The following NF1 variants were observed in gnomAD, a reference collection of about 807,000 sequenced individuals.
NF1 encodes neurofibromin.
Under a neutral mutation model 325.7 loss-of-function variants are expected in NF1, and 122 were observed. The observed-to-expected ratio is 0.37, with a 90% CI of 0.32 to 0.44. The LOEUF (loss-of-function observed/expected upper bound fraction) is 0.44, where lower values mean the gene tolerates loss of function less well. Among genes scored for constraint, NF1 ranks in the 20% least tolerant of loss-of-function variants. The pLI is 1.00. For missense variants in NF1, 2,140 were observed against 3,415.4 expected, an observed-to-expected ratio of 0.63 and a Z score of 9.31; for synonymous variants, 1,091 against 1,186.0, an observed-to-expected ratio of 0.92 and a Z score of 1.65.
intron 36 of NF1, chr17:31,297,288 T>G (rs967869165): frequency 6.6e-6 from 1 of 152,316 alleles, no homozygotes; most frequent in Non-Finnish European, 1.5e-5. Context: ...TGCTGTGAGC[T>G]GAAGCTCTGC....
intron 29 of NF1, among the ~76,000 whole-genome samples, chr17:31,245,168 CTCTTTGAGCCT>C (rs1406441402): frequency 6.6e-6 from 1 of 152,200 alleles, no homozygotes; most frequent in African/African-American, 2.4e-5. Context: ...TTCTAGCAGT[CTCTTTGAGCCT>C]TGTTAAAGAA....
intron 29 of NF1, among the ~76,000 whole-genome samples, chr17:31,246,989 G>C (rs1158573145): frequency 6.6e-6 from 1 of 152,084 alleles, no homozygotes; most frequent in East Asian, 1.9e-4. Flanking sequence ...AAGGTCAAGA[G>C]ATCTAGACCA....
chr17:31,230,449 GA>G, intron 23 of NF1, 67 bp downstream of exon 23: 1 of 1,575,006 alleles, frequency 6.3e-7, no homozygotes. Flanking sequence ...TACAGAAAAA[GA>G]GTAGATATGC....
chr17:31,227,346 G>A (rs1428360763), intron 19 of NF1, 55 bp downstream of exon 19: 2 of 1,574,558 alleles, frequency 1.3e-6, no homozygotes, highest in African/African-American at 1.3e-5. Context: ...CAATTTGGAA[G>A]CCTCTTGTTA....
chr17:31,102,567 A>T (rs1912441832), intron 1 of NF1, among the ~76,000 whole-genome samples: 1 of 151,944 alleles, frequency 6.6e-6, no homozygotes, highest in South Asian at 2.1e-4. Flanking sequence ...ACATAGTGAG[A>T]TGCTGTCTCT....
chr17:31,203,236 T>G (rs1370093834), intron 11 of NF1, among the ~76,000 whole-genome samples: 1 of 152,140 alleles, frequency 6.6e-6, no homozygotes, highest in Non-Finnish European at 1.5e-5. Context: ...CCTCTTCTAC[T>G]CTAATGAGCA....
At chr17:31,112,242 A>G (rs1444253169) in intron 1 of NF1, among the ~76,000 whole-genome samples, 1 of 152,184 alleles carries the variant, frequency 6.6e-6, no homozygotes, top group Non-Finnish European at 1.5e-5. Flanking sequence ...AGTTGTCTTG[A>G]AGATTCATAT....
chr17:31,207,852 T>C (rs2066651126), intron 12 of NF1, among the ~76,000 whole-genome samples: 1 of 152,224 alleles, frequency 6.6e-6, no homozygotes. Context: ...TTTTTTGCTT[T>C]AAGTTTACTA....
At chr17:31,182,328 T>C (rs556529556) in intron 7 of NF1, among the ~76,000 whole-genome samples, 180 bp from the exon 8 acceptor site, 1 of 152,278 alleles carries the variant, frequency 6.6e-6, no homozygotes, top group South Asian at 2.1e-4. Flanking sequence ...TTCTAACACA[T>C]AGACAGTATT....
chr17:31,349,289 T>G (rs1360417347), intron 49 of NF1, 38 bp downstream of exon 49: 1 of 1,600,226 alleles, frequency 6.2e-7, no homozygotes, highest in Non-Finnish European at 8.5e-7. Flanking sequence ...TCTTGCTACA[T>G]CTATATATAA....
chr17:31,340,398 A>T (rs1555535138), intron 46 of NF1, 107 bp from the exon 47 acceptor site: 1 of 1,403,628 alleles, frequency 7.1e-7, no homozygotes, highest in Admixed American at 1.7e-5. Flanking sequence ...AAGAGAAAAC[A>T]TGGGTAATTT....
At chr17:31,373,206 A>G (rs1293449046) in intron 57 of NF1, among the ~76,000 whole-genome samples, 1 of 152,186 alleles carries the variant, frequency 6.6e-6, no homozygotes, top group African/African-American at 2.4e-5. Flanking sequence ...TGGGATAGGC[A>G]CTGTGATTAA....
intron 1 of NF1, among the ~76,000 whole-genome samples, chr17:31,100,804 G>C (rs1296197252): frequency 6.6e-6 from 1 of 152,070 alleles, no homozygotes; most frequent in Non-Finnish European, 1.5e-5. Flanking sequence ...TCTTGATGTC[G>C]TGATCCACCT....
At chr17:31,289,125 A>G (rs993716628) in intron 36 of NF1, among the ~76,000 whole-genome samples, 2 of 152,174 alleles carry the variant, frequency 1.3e-5, no homozygotes, top group Non-Finnish European at 2.9e-5. Flanking sequence ...GCTGAAATCA[A>G]AAGGATGAGT....
chr17:31,200,906 G>T (rs143918374), intron 9 of NF1, 131 bp from the exon 10 acceptor site: 1 of 1,264,574 alleles, frequency 7.9e-7, no homozygotes, highest in Non-Finnish European at 1.1e-6. Flanking sequence ...CAGTATGGGT[G>T]CTTTGTGCTT....
At chr17:31,282,049 G>C (rs891147140) in intron 36 of NF1, among the ~76,000 whole-genome samples, 3 of 150,126 alleles carry the variant, frequency 2.0e-5, no homozygotes, top group African/African-American at 7.4e-5. Flanking sequence ...AATGGAGAGA[G>C]ACCCTGTCTG....
At chr17:31,199,479 TAGCCTAACATA>T (rs2066489464) in intron 8 of NF1, among the ~76,000 whole-genome samples, 1 of 152,226 alleles carries the variant, frequency 6.6e-6, no homozygotes, top group Non-Finnish European at 1.5e-5. Flanking sequence ...ACTTATTTTG[TAGCCTAACATA>T]GGTCTGTTTT....
chr17:31,365,275 T>C (rs549739837), intron 57 of NF1, among the ~76,000 whole-genome samples: 1 of 17,480 alleles, frequency 5.7e-5, no homozygotes, highest in Non-Finnish European at 8.4e-5. Context: ...TGAGAACCTA[T>C]CTCAAAAAAA....
At chr17:31,155,395 G>C (rs1417394050) in intron 1 of NF1, among the ~76,000 whole-genome samples, 1 of 152,110 alleles carries the variant, frequency 6.6e-6, no homozygotes, top group East Asian at 1.9e-4. Context: ...CTTCAATTGT[G>C]TAGCTGAGGG....
Sources: allele counts gnomAD v4.1 joint callset (sites outside exome capture counted in the v4.1 genomes callset), GRCh38; gene constraint gnomAD v4.1.1; transcripts MANE v1.5; gene names NCBI Gene and HGNC (gene_info 2026-07-23, HGNC 2026-07-21).